The following PEX5L variants were observed in gnomAD, a reference collection of about 807,000 sequenced individuals.
PEX5L encodes the protein PEX5-related protein.
In PEX5L, 30 loss-of-function variants were observed where a neutral mutation model predicts 84.0. The ratio of observed to expected loss-of-function variants is 0.36; its 90% confidence interval spans 0.27 to 0.48. The LOEUF (loss-of-function observed/expected upper bound fraction) is 0.48. Among genes scored for constraint, PEX5L ranks in the 20% least tolerant of loss-of-function variants. The pLI, the probability that PEX5L is intolerant of heterozygous loss-of-function variation, is 0.99. For synonymous variants in PEX5L, 270 were observed against 283.1 expected, an observed-to-expected ratio of 0.95 and a Z score of 0.46; for missense variants, 533 against 754.6, an observed-to-expected ratio of 0.71 and a Z score of 3.44.
chr3:179,863,847 G>C (rs1747153439), intron 7 of PEX5L, among the ~76,000 whole-genome samples: 1 of 152,130 alleles, frequency 6.6e-6, no homozygotes, highest in African/African-American at 2.4e-5. Context: ...GATATGGTTT[G>C]GCTGTGTCCC....
At chr3:179,900,755 AC>A in intron 2 of PEX5L, 1 of 1,525,306 alleles carries the variant, frequency 6.6e-7, no homozygotes, top group Non-Finnish European at 8.8e-7. Flanking sequence ...GTCATGACAC[AC>A]CCATGTTAGT....
chr3:179,886,390 C>T (rs944924343), intron 4 of PEX5L, among the ~76,000 whole-genome samples: 1 of 152,012 alleles, frequency 6.6e-6, no homozygotes, highest in Non-Finnish European at 1.5e-5. Context: ...AAAATGATTG[C>T]TGTGGTGTGA....
chr3:179,809,659 T>G lies in PEX5L; in HGVS notation c.1164A>C (p.Glu388Asp). ...AAGCTTTTAAGTTGTTGGGCTGTAA[T>G]TCTAAGCACCTGAAAAAAAAAAAGA... ...AAIVALQRCLELQPNNLKALM... is the reference protein window; with the variant it reads ...AAIVALQRCLDLQPNNLKALM... The change falls in exon 12 of 15, where the codon GAA becomes GAC. Residue 388 changes from glutamate to aspartate, a missense_variant. Physicochemically the swap from Glu to Asp is conservative, Grantham distance 45. Around this residue, in one of 8 missense-constraint regions of PEX5L, gnomAD observed 32 missense variants for 45.5 expected, o/e 0.70. Coordinates refer to ENST00000467460, the MANE Select transcript of PEX5L (RefSeq NM_016559.3). 6.4e-7 allele frequency: 1 copy of G among 1,563,618 alleles called. No individual in the cohort carries two copies. The highest frequency in any genetic ancestry group is 8.6e-7 in the Non-Finnish European group (1 of 1,165,130).
chr3:179,910,377 T>G lies in PEX5L; in HGVS notation c.94-12131A>C, dbSNP rs189258343. 1.4e-3 allele frequency among the ~76,000 whole-genome samples: 209 copies of G among 152,344 alleles called. 2 individuals carry two copies. Among genetic ancestry groups the G allele is most frequent in the African/African-American group, 4.9e-3 (203 of 41,590 alleles). On this transcript the variant is annotated intron_variant, in intron 2 of 14. Transcript: ENST00000467460. Reference sequence around the variant, plus strand: ...ACAATTTTCTTGTGAAAAAGCAAATTTCTTTTGATTTCTAAATGTGAATGC... The same window carrying G: ...ACAATTTTCTTGTGAAAAAGCAAATGTCTTTTGATTTCTAAATGTGAATGC...
chr3:179,841,823 T>G (rs1015829791), intron 8 of PEX5L, among the ~76,000 whole-genome samples: 3 of 152,138 alleles, frequency 2.0e-5, no homozygotes, highest in African/African-American at 7.2e-5. Context: ...AAACAGGAGG[T>G]GCCTTCTGTA....
rs75100206 is a variant in PEX5L at position 179,952,394 on chromosome 3, A to T, written c.93+19200T>A. ...TGCTAATACTCTGTACCTGTAGCAG[A>T]AAGAAAAGGTCGGGGGGTGTGGGAA... On this transcript the variant is annotated intron_variant, in intron 2 of 14. Coordinates refer to ENST00000467460, the MANE Select transcript of PEX5L (RefSeq NM_016559.3). 2.6e-3 allele frequency among the ~76,000 whole-genome samples: 402 copies of T among 152,300 alleles called. 1 individual carries two copies. Among genetic ancestry groups the T allele is most frequent in the Middle Eastern group, 0.01 (3 of 294 alleles).
chr3:180,009,828 T>A (rs1789265491), intron 1 of PEX5L, among the ~76,000 whole-genome samples: 1 of 152,196 alleles, frequency 6.6e-6, no homozygotes, highest in South Asian at 2.1e-4. Context: ...TCTATGTGTC[T>A]GGCCTATAGA....
intron 1 of PEX5L, among the ~76,000 whole-genome samples, chr3:180,035,715 C>G (rs1791843142): frequency 6.6e-6 from 1 of 152,124 alleles, no homozygotes; most frequent in Non-Finnish European, 1.5e-5. Flanking sequence ...TTGTATTTGA[C>G]CATCTTTGGA....
At chr3:179,990,006 A>G (rs536254330) in intron 1 of PEX5L, among the ~76,000 whole-genome samples, 1 of 152,338 alleles carries the variant, frequency 6.6e-6, no homozygotes, top group South Asian at 2.1e-4. Context: ...AATGTTGCAT[A>G]GTTGAGCTGA....
intron 3 of PEX5L, among the ~76,000 whole-genome samples, chr3:179,890,060 A>G (rs1757132578): frequency 1.3e-5 from 2 of 152,182 alleles, no homozygotes; most frequent in Admixed American, 1.3e-4. Context: ...CAAACTGTAC[A>G]TATGTAACAG....
intron 1 of PEX5L, among the ~76,000 whole-genome samples, chr3:179,982,500 T>A (rs1282239331): frequency 1.3e-5 from 2 of 152,144 alleles, no homozygotes; most frequent in Admixed American, 6.5e-5. Flanking sequence ...TTAGGGAAAT[T>A]GCCAGAAAAT....
intron 8 of PEX5L, among the ~76,000 whole-genome samples, chr3:179,850,198 T>C (rs1437869880): frequency 1.3e-5 from 2 of 151,956 alleles, no homozygotes; most frequent in Non-Finnish European, 2.9e-5. Flanking sequence ...GTGATCTTGG[T>C]TCACTGCAAC....
chr3:179,857,762 A>C (rs779771557), intron 8 of PEX5L, among the ~76,000 whole-genome samples: 2 of 152,232 alleles, frequency 1.3e-5, no homozygotes, highest in Non-Finnish European at 2.9e-5. Flanking sequence ...AGTTCAAAAG[A>C]TAAAATTTAA....
chr3:179,937,905 G>A (rs967157456), intron 2 of PEX5L, among the ~76,000 whole-genome samples: 6 of 152,006 alleles, frequency 3.9e-5, no homozygotes, highest in African/African-American at 1.2e-4. Flanking sequence ...GGAAAGTGGG[G>A]TGGGATCCAC....
At chr3:179,847,115 C>A (rs1002478608) in intron 8 of PEX5L, among the ~76,000 whole-genome samples, 3 of 149,388 alleles carry the variant, frequency 2.0e-5, no homozygotes, top group African/African-American at 7.4e-5. Context: ...ATCCACCCAC[C>A]CCACCCAACC....
chr3:179,951,231 C>T (rs1236564153), intron 2 of PEX5L, among the ~76,000 whole-genome samples: 1 of 152,134 alleles, frequency 6.6e-6, no homozygotes, highest in Non-Finnish European at 1.5e-5. Context: ...TTAGAGAAGA[C>T]AATTATTTTT....
In PEX5L at chr3:180,033,965, T is replaced by C. The variant is rs1375236326; in HGVS notation, c.21+2614A>G. Among the ~76,000 whole-genome samples the C allele has an allele frequency of 2.0e-5, 3 of 152,234 alleles. No homozygotes were observed. The East Asian group carries it at 5.8e-4, about 29-fold the overall frequency. The stretch of plus-strand genomic sequence containing the variant: ...AGCAGAGCAAACCAAATGTGTGTTT[T>C]TAAAAGTCTGCGGTTTCTAAAATGA... On this transcript the variant is annotated intron_variant, in intron 1 of 14. Transcript: ENST00000467460.
At chr3:179,925,321 G>A (rs938941326) in intron 2 of PEX5L, among the ~76,000 whole-genome samples, 33 of 151,746 alleles carry the variant, frequency 2.2e-4, no homozygotes, top group Admixed American at 1.1e-3. Flanking sequence ...TAGCTCACCC[G>A]TCCATCATGC....
chr3:179,900,709 CT>C, intron 2 of PEX5L: 1 of 1,535,840 alleles, frequency 6.5e-7, no homozygotes, highest in Non-Finnish European at 8.7e-7. Context: ...GACAGTGCCA[CT>C]TTTTCTTCAA....
Sources: allele counts gnomAD v4.1 joint callset (sites outside exome capture counted in the v4.1 genomes callset), GRCh38; gene constraint gnomAD v4.1.1; regional missense constraint gnomAD v4.1.1; transcripts MANE v1.5; gene names NCBI Gene and HGNC (gene_info 2026-07-23, HGNC 2026-07-21).